DMBT1: variants seen among roughly 807,000 people sequenced by gnomAD.
DMBT1 encodes deleted in malignant brain tumors 1, also known as scavenger receptor cysteine-rich domain-containing protein DMBT1.
Under a neutral mutation model 252.9 loss-of-function variants are expected in DMBT1, and 198 were observed. The ratio of observed to expected loss-of-function variants is 0.78; its 90% CI spans 0.70 to 0.88. The LOEUF (loss-of-function observed/expected upper bound fraction) is 0.88, where lower values mean the gene tolerates loss of function less well. DMBT1 is among the 40% of genes least tolerant of loss of function. The pLI is 0.00. For missense variants in DMBT1, 2,432 were observed against 2,404.7 expected, an observed-to-expected ratio of 1.01 and a Z score of -0.24; for synonymous variants, 990 against 942.7, an observed-to-expected ratio of 1.05 and a Z score of -0.92.
At chr10:122,579,959 C>A (rs2097753547) in intron 10 of DMBT1, 58 bp downstream of exon 10, 3 of 1,610,922 alleles carry the variant, frequency 1.9e-6, no homozygotes, top group South Asian at 2.2e-5. Flanking sequence ...CCAAAAGAAA[C>A]TCCTAATTAC....
chr10:122,600,897 G>A, intron 27 of DMBT1, 94 bp from the exon 28 acceptor site: 1 of 645,692 alleles, frequency 1.5e-6, no homozygotes, highest in South Asian at 1.9e-5. Context: ...AAGTGGAATT[G>A]TTGCCAGGTG....
chr10:122,597,516 C>T (rs1294533099), intron 24 of DMBT1, among the ~76,000 whole-genome samples: 1 of 152,208 alleles, frequency 6.6e-6, no homozygotes, highest in African/African-American at 2.4e-5. Context: ...CCAGATTCTG[C>T]AGGGCTACAT....
At chr10:122,561,579 T>TCC in intron 1 of DMBT1, among the ~76,000 whole-genome samples, 1 of 127,922 alleles carries the variant, frequency 7.8e-6, no homozygotes, top group East Asian at 2.7e-4. Context: ...CCTCTCTCTC[T>TCC]CTCTCTTTCT....
Position 122,619,831 on chromosome 10 carries a change from G to A in DMBT1, c.5246-422G>A, listed in dbSNP as rs1250040572. 2.6e-5 allele frequency among the ~76,000 whole-genome samples: 4 copies of A among 152,236 alleles called. No individual in the cohort carries two copies. The East Asian group carries it at 5.8e-4, about 22-fold the overall frequency. On this transcript the variant is annotated intron_variant, in intron 42 of 55. Coordinates refer to ENST00000338354, the MANE Select transcript of DMBT1 (RefSeq NM_001377530.1). ...ATATCTGCATCCAGAAAAGGCAGAG[G>A]CCATGCTCGGGCAGGGAGAGGGATA... is the stretch of plus-strand genomic sequence containing the variant.
intron 55 of DMBT1, among the ~76,000 whole-genome samples, chr10:122,641,908 G>T (rs970536513): frequency 4.6e-5 from 7 of 152,108 alleles, no homozygotes; most frequent in African/African-American, 1.4e-4. Flanking sequence ...CCCTGCCCAG[G>T]CCCTACCCAT....
At chr10:122,580,241 A>G (rs2097756207) in intron 10 of DMBT1, among the ~76,000 whole-genome samples, 1 of 152,204 alleles carries the variant, frequency 6.6e-6, no homozygotes, top group African/African-American at 2.4e-5. Context: ...ACAGCAAGGC[A>G]GGGGAGGGAT....
chr10:122,621,419 G>C, intron 44 of DMBT1, 39 bp downstream of exon 44: 1 of 1,613,178 alleles, frequency 6.2e-7, no homozygotes, highest in Middle Eastern at 1.7e-4. Flanking sequence ...TCTTGGGGTG[G>C]AGTTTGCTCC....
intron 2 of DMBT1, among the ~76,000 whole-genome samples, chr10:122,567,275 C>T (rs2097603884): frequency 6.6e-6 from 1 of 152,172 alleles, no homozygotes; most frequent in Non-Finnish European, 1.5e-5. Flanking sequence ...GCGCATTGCC[C>T]TGCTGCACCT....
In DMBT1 at chr10:122,598,923, T is replaced by A; in HGVS notation, c.3106T>A (p.Cys1036Ser). ...DANVVCRQLG[C>S]GWAMSAPGNA... ...CAATGTCGTCTGCAGGCAACTGGGC[T>A]GTGGCTGGGCCATGTCAGCCCCAGG... The change falls in exon 26 of 56, where the codon TGT (cysteine) becomes AGT (serine). Residue 1036 changes from cysteine (C) to serine (S), a missense_variant. Physicochemically the swap from Cys to Ser is moderately radical, Grantham distance 112. Around this residue, in one of 3 missense-constraint regions of DMBT1, gnomAD observed 1,264 missense variants for 1,082.2 expected, o/e 1.17. Coordinates refer to ENST00000338354, the MANE Select transcript of DMBT1 (RefSeq NM_001377530.1). The A allele has an allele frequency of 6.2e-7, 1 of 1,613,838 alleles. No homozygotes were observed. The highest frequency in any genetic ancestry group is 8.5e-7 in the Non-Finnish European group (1 of 1,179,768).
At chr10:122,581,383 G>A (rs1032194215) in intron 11 of DMBT1, among the ~76,000 whole-genome samples, 1 of 146,106 alleles carries the variant, frequency 6.8e-6, no homozygotes, top group Non-Finnish European at 1.5e-5. Flanking sequence ...GGATAATAAA[G>A]GTTTGTGATG....
At chr10:122,578,076 A>G (rs1418097399) in intron 8 of DMBT1, among the ~76,000 whole-genome samples, 1 of 152,208 alleles carries the variant, frequency 6.6e-6, no homozygotes, top group Non-Finnish European at 1.5e-5. Context: ...GTCCCAATGA[A>G]CAACTCTTAG....
rs775173681 is a variant in DMBT1 at position 122,618,220 on chromosome 10, C to G, written c.5095C>G (p.Pro1699Ala). 7 of 1,613,780 alleles carry G rather than the reference C, an allele frequency of 4.3e-6. No homozygotes were observed. Among genetic ancestry groups the G allele is most frequent in the Non-Finnish European group, 5.9e-6 (7 of 1,179,790 alleles). ...TGCCCAGTTTGGCCAGGGCTCAGGA[C>G]CCATTGTCCTGGATGATGTGCGCTG... is the stretch of plus-strand genomic sequence containing the variant. ...GNAQFGQGSGPIVLDDVRCSG... is the reference protein window; with the variant it reads ...GNAQFGQGSGAIVLDDVRCSG... The change falls in exon 41 of 56, where the codon CCC (proline) becomes GCC (alanine). Residue 1699 changes from proline (P) to alanine (A), a missense_variant. Pro to Ala is a conservative substitution (Grantham distance 27). Coordinates refer to ENST00000338354, the MANE Select transcript of DMBT1 (RefSeq NM_001377530.1).
chr10:122,586,365 G>C lies in DMBT1; in HGVS notation c.1765G>C (p.Ala589Pro). Residue 589 changes from alanine to proline, a missense_variant, in exon 16 of 56, where the codon GCT becomes CCT. Around this residue, in one of 3 missense-constraint regions of DMBT1, gnomAD observed 1,264 missense variants for 1,082.2 expected, o/e 1.17. Transcript: ENST00000338354. The stretch of plus-strand genomic sequence containing the variant: ...CCATAACTGTGGCCATAGTGAAGAC[G>C]CTGGTGTCATCTGCTCAGGTGGGCC... ...LSHNCGHSED[A>P]GVICSGPESS... 1 of 1,588,622 alleles carries C rather than the reference G, an allele frequency of 6.3e-7. No individual in the cohort carries two copies. The highest frequency in any genetic ancestry group is 1.7e-5 in the Admixed American group (1 of 59,568).
At chr10:122,632,752 C>G in intron 50 of DMBT1, 109 bp from the exon 51 acceptor site, 1 of 1,432,822 alleles carries the variant, frequency 7.0e-7, no homozygotes, top group Non-Finnish European at 9.6e-7. Flanking sequence ...GTGTCCAGCT[C>G]CTCCCTGTGG....
intron 48 of DMBT1, among the ~76,000 whole-genome samples, 185 bp downstream of exon 48, chr10:122,630,675 T>A (rs147489400): frequency 9.5e-4 from 145 of 152,154 alleles, no homozygotes; most frequent in Non-Finnish European, 1.4e-3. Context: ...AGACTGGGGG[T>A]TCCACCTGGC....
At chr10:122,564,419 T>C (rs1480851255) in intron 1 of DMBT1, among the ~76,000 whole-genome samples, 5 of 152,330 alleles carry the variant, frequency 3.3e-5, no homozygotes, top group Middle Eastern at 3.4e-3. Context: ...GCCTGGGCAA[T>C]AGAGCAAGAC....
intron 1 of DMBT1, among the ~76,000 whole-genome samples, chr10:122,563,419 A>C (rs1199806958): frequency 6.6e-6 from 1 of 152,194 alleles, no homozygotes; most frequent in Admixed American, 6.5e-5. Context: ...ATCCTGCAAC[A>C]GAAAATGAAA....
intron 54 of DMBT1, 143 bp downstream of exon 54, chr10:122,637,455 C>T (rs1356846194): frequency 2.0e-6 from 2 of 988,274 alleles, no homozygotes; most frequent in African/African-American, 3.3e-5. Context: ...AGATAAAAAA[C>T]CTTTGGTGCT....
intron 20 of DMBT1, among the ~76,000 whole-genome samples, chr10:122,592,906 C>G (rs1414082562): frequency 6.7e-6 from 1 of 148,462 alleles, no homozygotes; most frequent in Non-Finnish European, 1.5e-5. Flanking sequence ...CTGAGTAGCA[C>G]TGGGTGAGGG....
Sources: gnomAD v4.1 joint callset for allele counts (sites outside exome capture counted in the v4.1 genomes callset) on GRCh38, gnomAD v4.1.1 for gene constraint, gnomAD v4.1.1 regional missense constraint, MANE v1.5 for transcripts, NCBI Gene and HGNC (gene_info 2026-07-23, HGNC 2026-07-21) for gene names.